CLTCL1: variants seen among roughly 807,000 people sequenced by gnomAD.
CLTCL1 encodes the protein clathrin heavy chain like 1.
A neutral mutation model predicts 190.0 loss-of-function variants in CLTCL1; 159 were observed. The observed-to-expected ratio is 0.84, with a 90% CI of 0.74 to 0.95. The LOEUF (loss-of-function observed/expected upper bound fraction) is 0.95. Ranked by LOEUF, CLTCL1 falls within the 40% of genes least tolerant of loss-of-function variation. The probability of loss-of-function intolerance (pLI) is 0.00; values close to 1 mark genes in which losing one functional copy is unlikely to be tolerated. For synonymous variants in CLTCL1, 752 were observed against 769.6 expected (o/e 0.98, Z 0.38); for missense variants, 1,878 against 2,033.4 (o/e 0.92, Z 1.47).
chr22:19,199,556 C>G (rs1345044533), intron 24 of CLTCL1, among the ~76,000 whole-genome samples, 178 bp downstream of exon 24: 2 of 152,204 alleles, frequency 1.3e-5, no homozygotes, highest in African/African-American at 4.8e-5. Context: ...GCTAACAAGG[C>G]AATTGAATTT....
At chr22:19,230,244 C>T (rs1403845311) in intron 10 of CLTCL1, among the ~76,000 whole-genome samples, 3 of 152,012 alleles carry the variant, frequency 2.0e-5, no homozygotes, top group African/African-American at 7.3e-5. Flanking sequence ...GCTGAGACTA[C>T]AGGCACCCGT....
At chr22:19,210,005 A>G (rs1555945523) in intron 20 of CLTCL1, among the ~76,000 whole-genome samples, 3 of 152,056 alleles carry the variant, frequency 2.0e-5, no homozygotes, top group Non-Finnish European at 4.4e-5. Context: ...GTAAGATGTG[A>G]GTGCCTCTGA....
intron 17 of CLTCL1, 104 bp from the exon 18 acceptor site, chr22:19,220,111 T>A: frequency 4.8e-6 from 7 of 1,458,040 alleles, no homozygotes; most frequent in Non-Finnish European, 6.6e-6. Flanking sequence ...ACTGGTTTGG[T>A]GGACAGTCAG....
intron 2 of CLTCL1, chr22:19,258,746 C>A: frequency 2.9e-6 from 2 of 694,372 alleles, no homozygotes; most frequent in Admixed American, 1.8e-5. Context: ...CCACCACCTG[C>A]AGGATAGTGG....
In CLTCL1 at chr22:19,183,514, G is replaced by A. The variant is rs782819004; in HGVS notation, c.4703C>T (p.Ala1568Val). The A allele has an allele frequency of 3.7e-6, 6 of 1,613,712 alleles. No homozygotes were observed. The highest frequency in any genetic ancestry group is 5.1e-6 in the Non-Finnish European group (6 of 1,179,898). The change falls in exon 30 of 33, where the codon GCT (alanine) becomes GTT (valine). Residue 1568 changes from alanine (A) to valine (V), a missense_variant. Coordinates refer to ENST00000427926, the MANE Select transcript of CLTCL1 (RefSeq NM_007098.4). ...LEEGKRECFA[A>V]CLFTCYDLLR... Reference sequence around the variant, plus strand: ...CAGGTCATAGCAGGTGAAGAGACAAGCTGCGAAGCACTCCCTCTTGCCTTC... The same window carrying A: ...CAGGTCATAGCAGGTGAAGAGACAAACTGCGAAGCACTCCCTCTTGCCTTC...
At chr22:19,222,910 A>G in intron 14 of CLTCL1, 101 bp from the exon 15 acceptor site, 1 of 1,399,128 alleles carries the variant, frequency 7.1e-7, no homozygotes, top group Non-Finnish European at 9.7e-7. Flanking sequence ...TCTGCAGCAG[A>G]GTGACACACA....
intron 1 of CLTCL1, among the ~76,000 whole-genome samples, chr22:19,286,522 C>A (rs1222210741): frequency 1.3e-5 from 2 of 152,156 alleles, no homozygotes; most frequent in African/African-American, 2.4e-5. Flanking sequence ...AATGAGATAG[C>A]TACATAATGG....
At chr22:19,231,783 A>G (rs1383262397) in intron 10 of CLTCL1, among the ~76,000 whole-genome samples, 1 of 152,214 alleles carries the variant, frequency 6.6e-6, no homozygotes, top group African/African-American at 2.4e-5. Context: ...AACTGTAAAC[A>G]AGATGTGAAC....
rs532371512 is a variant in CLTCL1, at chr22:19,208,884, G to C, written c.3442+38C>G. On this transcript the variant is annotated intron_variant, in intron 21 of 32. Coordinates refer to ENST00000427926, the MANE Select transcript of CLTCL1 (RefSeq NM_007098.4). ...CTTGCTTCAGCCAGGTTTTGCATCA[G>C]TGAGATGCAGAGCCCTAGGGAGAGG... The C allele has an allele frequency of 6.0e-6, 9 of 1,498,348 alleles. No individual in the cohort carries two copies. In the African/African-American group the frequency reaches 9.7e-5, roughly 16 times the overall value. 92.8% of individuals were successfully genotyped at this position (1,498,348 alleles called of 1,614,324 possible).
chr22:19,224,207 G>A (rs2085667549), intron 13 of CLTCL1, among the ~76,000 whole-genome samples, 153 bp from the exon 14 acceptor site: 1 of 152,086 alleles, frequency 6.6e-6, no homozygotes, highest in Admixed American at 6.5e-5. Flanking sequence ...GTCTGTTTTG[G>A]CAGCTCCCAA....
intron 3 of CLTCL1, among the ~76,000 whole-genome samples, chr22:19,248,401 G>T (rs553817914): frequency 4.8e-4 from 73 of 152,222 alleles, no homozygotes; most frequent in South Asian, 2.7e-3. Flanking sequence ...TTCCAGTGTG[G>T]CCCAGGGGAT....
chr22:19,282,689 A>G (rs2087762700), intron 1 of CLTCL1, among the ~76,000 whole-genome samples: 1 of 151,980 alleles, frequency 6.6e-6, no homozygotes, highest in Non-Finnish European at 1.5e-5. Context: ...TTTTAATAGT[A>G]CAATGAGTGG....
Position 19,256,342 on chromosome 22 carries a change from TTTTTC to T in CLTCL1, c.251-2120_251-2116del, listed in dbSNP as rs782051797. 9.8e-4 allele frequency among the ~76,000 whole-genome samples: 141 copies of T among 144,362 alleles called. 1 individual carries two copies. The highest frequency in any genetic ancestry group is 1.6e-3 in the Non-Finnish European group (105 of 65,916). 94.7% of individuals were successfully genotyped at this position (144,362 alleles called of 152,430 possible). ...TCAGCTAATTTTTCTTTTTTTTTTC[TTTTTC>T]TTTTATCTTTTTTTTTTTTTTTTTT... On this transcript the variant is annotated intron_variant, in intron 2 of 32. Coordinates refer to ENST00000427926, the MANE Select transcript of CLTCL1 (RefSeq NM_007098.4).
chr22:19,244,190 C>T (rs1176009500), intron 3 of CLTCL1, among the ~76,000 whole-genome samples: 2 of 152,148 alleles, frequency 1.3e-5, no homozygotes, highest in African/African-American at 4.8e-5. Flanking sequence ...ACTCACAACT[C>T]CTTAAAATGG....
chr22:19,233,516 C>A lies in CLTCL1; in HGVS notation c.1274G>T (p.Gly425Val). Residue 425 changes from glycine to valine, a missense_variant, in exon 8 of 33, where the codon GGT (glycine) becomes GTT (valine). Gly to Val is a moderately radical substitution (Grantham distance 109). Transcript: ENST00000427926. The stretch of plus-strand genomic sequence containing the variant: ...TAAGGATTCAAGTTTATTGAGCTGA[C>A]CCTGGTCGAGCAGGATTCCGAAGTA... ...LQYFGILLDQ[G>V]QLNKLESLEL... 1.9e-6 allele frequency: 3 copies of A among 1,613,982 alleles called. No homozygotes were observed. The highest frequency in any genetic ancestry group is 1.1e-5 in the South Asian group (1 of 91,078).
chr22:19,268,032 C>T (rs1484906496), intron 2 of CLTCL1, among the ~76,000 whole-genome samples: 1 of 151,832 alleles, frequency 6.6e-6, no homozygotes, highest in Non-Finnish European at 1.5e-5. Flanking sequence ...CCCTTCAAAA[C>T]ATATCCTATG....
In CLTCL1 at chr22:19,209,045, C is replaced by G; in HGVS notation, c.3319G>C (p.Val1107Leu). 1 of 1,610,724 alleles carries G rather than the reference C, an allele frequency of 6.2e-7. No individual in the cohort carries two copies. The highest frequency in any genetic ancestry group is 8.5e-7 in the Non-Finnish European group (1 of 1,178,462). Residue 1107 changes from valine to leucine, a missense_variant, in exon 21 of 33, where the codon GTG (valine) becomes CTG (leucine). Coordinates refer to ENST00000427926, the MANE Select transcript of CLTCL1 (RefSeq NM_007098.4). ...EFAERCNEPA[V>L]WSQLAQAQLQ... ...TGGGCTTGGGCCAGCTGACTCCACA[C>G]AGCAGGCTCATTGCATCTCTCCGCA...
rs537878694 is a variant in CLTCL1, at chr22:19,291,545, C to A, written c.42+55G>T. 82 of 1,310,988 alleles carry A rather than the reference C, an allele frequency of 6.3e-5. No homozygotes were observed. In the East Asian group the frequency reaches 2.3e-3, roughly 36 times the overall value. 81.2% of individuals were successfully genotyped at this position (1,310,988 alleles called of 1,614,324 possible). A position where few individuals can be genotyped will look rare whatever the true frequency, so the allele number is the denominator to read the frequency against. On this transcript the variant is annotated intron_variant, in intron 1 of 32. Coordinates refer to ENST00000427926, the MANE Select transcript of CLTCL1 (RefSeq NM_007098.4). The stretch of plus-strand genomic sequence containing the variant: ...GGGGCGCGGGGTCAAGCCTGGCAGT[C>A]CGGCCCGGCGGAGGCGCGGCTGACA...
chr22:19,236,045 C>T (rs983162754), intron 5 of CLTCL1, among the ~76,000 whole-genome samples, 176 bp from the exon 6 acceptor site: 7 of 152,106 alleles, frequency 4.6e-5, no homozygotes, highest in South Asian at 2.1e-4. Context: ...CTGCAACTTC[C>T]GACCTCTGGG....
Sources: gnomAD v4.1 joint callset for allele counts (sites outside exome capture counted in the v4.1 genomes callset) on GRCh38, gnomAD v4.1.1 for gene constraint, MANE v1.5 for transcripts, NCBI Gene and HGNC (gene_info 2026-07-23, HGNC 2026-07-21) for gene names.